CLDN16: variants seen among roughly 807,000 people sequenced by gnomAD.
CLDN16 encodes the protein claudin-16.
In CLDN16, 13 loss-of-function variants were observed where a neutral mutation model predicts 24.6. That is an observed-to-expected ratio of 0.53 (90% CI 0.34 to 0.84). The LOEUF is 0.84. CLDN16 is among the 40% of genes least tolerant of loss of function. CLDN16 has a pLI of 0.01. For synonymous variants in CLDN16, 116 were observed against 106.7 expected, an observed-to-expected ratio of 1.09 and a Z score of -0.54; for missense variants, 298 against 292.7, an observed-to-expected ratio of 1.02 and a Z score of -0.13.
At position 190,345,425 on chromosome 3, in the gene CLDN16, G is replaced by A. The variant is rs182723882; in HGVS notation, n.121+22764G>A. Reference sequence around the variant, plus strand: ...TGGAATTTGAGTTACTTCCTATCAGGTTTGAATCACCCTATTTGGCAATCC... The same window carrying A: ...TGGAATTTGAGTTACTTCCTATCAGATTTGAATCACCCTATTTGGCAATCC... On this transcript the variant is annotated intron_variant and non_coding_transcript_variant, in intron 1 of 4. Coordinates refer to the CLDN16 transcript ENST00000468220. Among the ~76,000 whole-genome samples the A allele has an allele frequency of 1.7e-3, 265 of 152,188 alleles. 1 individual carries two copies. Among genetic ancestry groups the A allele is most frequent in the Non-Finnish European group, 1.5e-3 (105 of 68,004 alleles).
chr3:190,335,474 A>C (rs1266520261), intron 1 of CLDN16, among the ~76,000 whole-genome samples: 2 of 151,966 alleles, frequency 1.3e-5, no homozygotes, highest in Non-Finnish European at 2.9e-5. Flanking sequence ...CAGCACTTTG[A>C]GAGGCCGAAA....
At chr3:190,409,448 A>G (rs760766091) in intron 4 of CLDN16, among the ~76,000 whole-genome samples, 31 of 151,850 alleles carry the variant, frequency 2.0e-4, no homozygotes, top group Non-Finnish European at 4.1e-4. Context: ...TATACATTTG[A>G]ATATTGGACA....
chr3:190,386,726 T>C (rs947247535), upstream of CLDN16, among the ~76,000 whole-genome samples: 5 of 152,192 alleles, frequency 3.3e-5, no homozygotes, highest in Non-Finnish European at 5.9e-5. Context: ...GGTGGTACTG[T>C]AGACCCTATG....
At chr3:190,378,305 C>T (rs188355213) in intron 3 of CLDN16, among the ~76,000 whole-genome samples, 59 of 151,892 alleles carry the variant, frequency 3.9e-4, no homozygotes, top group Non-Finnish European at 7.5e-4. Flanking sequence ...AATCAGCAGA[C>T]GAGAGATAAG....
intron 1 of CLDN16, among the ~76,000 whole-genome samples, chr3:190,326,411 G>A (rs1184693445): frequency 6.6e-6 from 1 of 152,206 alleles, no homozygotes; most frequent in African/African-American, 2.4e-5. Context: ...ACAATGTTGT[G>A]TTCAGAAAAA....
In CLDN16 at chr3:190,326,205, T is replaced by C. The variant is rs183959465; in HGVS notation, n.121+3544T>C. On this transcript the variant is annotated intron_variant and non_coding_transcript_variant, in intron 1 of 4. Coordinates refer to the CLDN16 transcript ENST00000468220. ...GCACATTATTTAAAATAGTAGCTGG[T>C]ATAGAGCAAGCATACATGAAACAGT... Among the ~76,000 whole-genome samples the C allele has an allele frequency of 1.2e-4, 19 of 152,286 alleles. 1 individual carries two copies. The highest frequency in any genetic ancestry group is 4.6e-4 in the African/African-American group (19 of 41,548).
chr3:190,321,721 A>T (rs1394859680), upstream of CLDN16, among the ~76,000 whole-genome samples: 1 of 152,184 alleles, frequency 6.6e-6, no homozygotes, highest in Non-Finnish European at 1.5e-5. Context: ...TCGAACCACC[A>T]GCATAGGAAT....
At chr3:190,353,321 CAA>C (rs1206517084) in intron 1 of CLDN16, among the ~76,000 whole-genome samples, 2 of 152,110 alleles carry the variant, frequency 1.3e-5, no homozygotes, top group African/African-American at 2.4e-5. Context: ...CACACCATAC[CAA>C]AGTTATTATG....
At chr3:190,365,299 C>A (rs146819308) in intron 1 of CLDN16, among the ~76,000 whole-genome samples, 303 of 151,780 alleles carry the variant, frequency 2.0e-3, no homozygotes, top group Non-Finnish European at 3.5e-3. Context: ...TCAGTCCTGG[C>A]CTTCTCAGGA....
chr3:190,324,221 G>A (rs1273048985), intron 1 of CLDN16, among the ~76,000 whole-genome samples: 5 of 152,126 alleles, frequency 3.3e-5, no homozygotes, highest in Admixed American at 2.0e-4. Context: ...AGTGGCTCAC[G>A]CCTGTAATCC....
At chr3:190,402,945 G>A (rs1024509991) in intron 2 of CLDN16, among the ~76,000 whole-genome samples, 35 of 152,170 alleles carry the variant, frequency 2.3e-4, no homozygotes, top group African/African-American at 7.7e-4. Flanking sequence ...AGACTATGGG[G>A]ATCAGTGGAA....
chr3:190,299,462 T>A, the CLDN16 span, among the ~76,000 whole-genome samples: 2 of 152,184 alleles, frequency 1.3e-5, no homozygotes, highest in Non-Finnish European at 2.9e-5. Context: ...TATGTAACTA[T>A]TTTTTAAGGT....
chr3:190,355,127 C>T (rs1029541109), intron 1 of CLDN16, among the ~76,000 whole-genome samples: 36 of 152,098 alleles, frequency 2.4e-4, no homozygotes, highest in African/African-American at 8.4e-4. Flanking sequence ...TCAAATTACA[C>T]TTACACACAA....
chr3:190,363,556 G>GTGTGTGTGTATATA (rs1301414615), intron 1 of CLDN16, among the ~76,000 whole-genome samples: 1 of 87,428 alleles, frequency 1.1e-5, no homozygotes, highest in African/African-American at 4.7e-5. Context: ...GTGTGTGTGT[G>GTGTGTGTGTATATA]TATATATATA....
chr3:190,410,889 A>C lies in CLDN16; in HGVS notation c.*853A>C, dbSNP rs895925213. The C allele has an allele frequency of 2.6e-5, 4 of 152,224 alleles. No individual in the cohort carries two copies. Among genetic ancestry groups the C allele is most frequent in the Admixed American group, 1.3e-4 (2 of 15,288 alleles). The allele number at this position is 152,224 out of a possible 1,614,324, so 9.4% of individuals were successfully genotyped here. ...ACACACCACTGAATCATCAGCACCA[A>C]GCAATATATTAGACATATGGCAAAA... On this transcript the variant is annotated 3_prime_UTR_variant, in exon 5 of 5. Coordinates refer to ENST00000264734, the MANE Select transcript of CLDN16 (RefSeq NM_006580.4).
Position 190,408,520 on chromosome 3 carries a change from A to C in CLDN16, c.574+15A>C. Reference sequence around the variant, plus strand: ...TCTTTTTAAAGGTAAGAATAAAATAAAATAGCAAATTTCCTTGCCTCCACT... The same window carrying C: ...TCTTTTTAAAGGTAAGAATAAAATACAATAGCAAATTTCCTTGCCTCCACT... On this transcript the variant is annotated intron_variant, in intron 4 of 4. Transcript: ENST00000264734. 6.2e-7 allele frequency: 1 copy of C among 1,611,532 alleles called. No homozygotes were observed. The highest frequency in any genetic ancestry group is 8.5e-7 in the Non-Finnish European group (1 of 1,177,858).
At chr3:190,392,059 C>CTT (rs35220103) in intron 1 of CLDN16, among the ~76,000 whole-genome samples, 1,727 of 126,100 alleles carry the variant, frequency 0.014, 54 homozygotes, top group African/African-American at 0.044. Context: ...CCTTTTCAGT[C>CTT]TTTTTTTTTT....
Position 190,388,507 on chromosome 3 carries a change from G to A in CLDN16, c.114+64G>A, listed in dbSNP as rs115366674. On this transcript the variant is annotated intron_variant, in intron 1 of 4. Coordinates refer to ENST00000264734, the MANE Select transcript of CLDN16 (RefSeq NM_006580.4). ...CCCAAATTTTCGCTAAGTCCCAACT[G>A]CCATGTACAACATTCAGTATCTTTA... The A allele has an allele frequency of 3.5e-3, 4,645 of 1,332,986 alleles. 20 individuals are homozygous for A. Among genetic ancestry groups the A allele is most frequent in the Non-Finnish European group, 4.2e-3 (3,855 of 923,558 alleles). 82.6% of individuals were successfully genotyped at this position (1,332,986 alleles called of 1,614,324 possible). A position where few individuals can be genotyped will look rare whatever the true frequency, so the allele number is the denominator to read the frequency against.
intron 3 of CLDN16, 87 bp downstream of exon 3, chr3:190,405,013 A>G: frequency 7.4e-7 from 1 of 1,342,698 alleles, no homozygotes; most frequent in Non-Finnish European, 1.1e-6. Context: ...GAAGCTGCTC[A>G]TTTTCGGATT....
Sources: allele counts gnomAD v4.1 joint callset (sites outside exome capture counted in the v4.1 genomes callset), GRCh38; gene constraint gnomAD v4.1.1; transcripts MANE v1.5; gene names NCBI Gene and HGNC (gene_info 2026-07-23, HGNC 2026-07-21).